The following SLC4A1AP variants were observed in gnomAD, a reference collection of about 807,000 sequenced individuals.
SLC4A1AP encodes the protein kanadaptin.
Under a neutral mutation model 89.7 loss-of-function variants are expected in SLC4A1AP, and 64 were observed. That is an observed-to-expected ratio of 0.71 (90% CI 0.58 to 0.88). SLC4A1AP has a LOEUF of 0.88. Ranked by LOEUF, SLC4A1AP falls within the 40% of genes least tolerant of loss-of-function variation. SLC4A1AP has a pLI of 0.00. For synonymous variants in SLC4A1AP, 366 were observed against 353.3 expected, an observed-to-expected ratio of 1.04 and a Z score of -0.40; for missense variants, 931 against 965.0, an observed-to-expected ratio of 0.96 and a Z score of 0.47.
chr2:27,688,587 T>G, intron 11 of SLC4A1AP, 113 bp from the exon 12 acceptor site: 1 of 706,052 alleles, frequency 1.4e-6, no homozygotes, highest in South Asian at 1.8e-5. Context: ...GAGAATTGCA[T>G]TGTCATGAGC....
At chr2:27,686,336 A>G (rs987828368) in intron 10 of SLC4A1AP, among the ~76,000 whole-genome samples, 1 of 152,212 alleles carries the variant, frequency 6.6e-6, no homozygotes, top group African/African-American at 2.4e-5. Flanking sequence ...TGGGCCATAT[A>G]TTGTGAAGGT....
At chr2:27,679,527 G>A (rs1303509696) in intron 8 of SLC4A1AP, among the ~76,000 whole-genome samples, 1 of 152,176 alleles carries the variant, frequency 6.6e-6, no homozygotes, top group East Asian at 1.9e-4. Context: ...GCGTGAACCA[G>A]GAAGGTGGAG....
At chr2:27,666,442 A>G (rs1410947169) in intron 2 of SLC4A1AP, among the ~76,000 whole-genome samples, 1 of 147,690 alleles carries the variant, frequency 6.8e-6, no homozygotes, top group East Asian at 2.1e-4. Context: ...GGGAAGCTTT[A>G]TGAGCATAAG....
chr2:27,694,610 T>C (rs764918794), intron 13 of SLC4A1AP, 24 bp from the exon 14 acceptor site: 46 of 1,528,174 alleles, frequency 3.0e-5, no homozygotes, highest in Non-Finnish European at 4.0e-5. Context: ...AATAATGTAT[T>C]TCTTTTTTTA....
exon 7 of SLC4A1AP, chr2:27,677,314 C>G (rs148575666): frequency 6.2e-7 from 1 of 1,613,264 alleles, no homozygotes; most frequent in African/African-American, 1.3e-5. Context: ...TTAAATGATG[C>G]TGAAAGGGAA....
exon 8 of SLC4A1AP, chr2:27,677,873 T>G: frequency 6.2e-7 from 1 of 1,610,434 alleles, no homozygotes; most frequent in South Asian, 1.1e-5. Flanking sequence ...CAACAGAGAC[T>G]TAAAGGGTTA....
intron 8 of SLC4A1AP, among the ~76,000 whole-genome samples, chr2:27,680,027 CA>C (rs1007806975): frequency 8.5e-5 from 13 of 152,232 alleles, no homozygotes; most frequent in Admixed American, 6.5e-4. Context: ...CCTGTCCCCC[CA>C]ACCCTTCATT....
At chr2:27,669,708 T>G (rs1470167495) in intron 5 of SLC4A1AP, among the ~76,000 whole-genome samples, 1 of 152,148 alleles carries the variant, frequency 6.6e-6, no homozygotes, top group Non-Finnish European at 1.5e-5. Flanking sequence ...TTATTATTTT[T>G]GAGATGGAGT....
At chr2:27,677,665 A>T in intron 7 of SLC4A1AP, 73 bp from the exon 8 acceptor site, 1 of 1,278,804 alleles carries the variant, frequency 7.8e-7, no homozygotes. Context: ...TGACTTTTAT[A>T]TGGAAACTTT....
intron 6 of SLC4A1AP, among the ~76,000 whole-genome samples, chr2:27,676,245 G>A (rs372112645): frequency 6.6e-6 from 1 of 152,202 alleles, no homozygotes; most frequent in East Asian, 1.9e-4. Context: ...TCAATTGGTG[G>A]GAATGTACAA....
chr2:27,678,681 C>T lies in SLC4A1AP; in HGVS notation c.1763+757C>T, dbSNP rs1296293247. On this transcript the variant is annotated intron_variant, in intron 8 of 13. Transcript: ENST00000613058. ...TCTTTTATACAAAGATGCTCAACTT[C>T]ATGATCATAAGAGAAATACAAATAC... 2.0e-5 allele frequency among the ~76,000 whole-genome samples: 3 copies of T among 151,722 alleles called. No homozygotes were observed. In the East Asian group the frequency reaches 5.8e-4, roughly 29 times the overall value.
chr2:27,667,858 C>T (rs1423620024), intron 3 of SLC4A1AP, among the ~76,000 whole-genome samples: 3 of 151,092 alleles, frequency 2.0e-5, no homozygotes, highest in African/African-American at 7.3e-5. Flanking sequence ...GTATGTATAT[C>T]TGTATATATT....
intron 8 of SLC4A1AP, among the ~76,000 whole-genome samples, chr2:27,678,207 C>A (rs1396115188): frequency 6.6e-6 from 1 of 152,068 alleles, no homozygotes; most frequent in African/African-American, 2.4e-5. Flanking sequence ...GAATAAACTC[C>A]TTTAAAAAGC....
chr2:27,684,069 T>TA (rs1439187826), intron 9 of SLC4A1AP, among the ~76,000 whole-genome samples: 2 of 152,172 alleles, frequency 1.3e-5, no homozygotes, highest in African/African-American at 4.8e-5. Flanking sequence ...ACTTAGGTTT[T>TA]AAATAGAAAA....
intron 10 of SLC4A1AP, among the ~76,000 whole-genome samples, chr2:27,686,949 C>G (rs1247431563): frequency 6.6e-6 from 1 of 152,080 alleles, no homozygotes; most frequent in African/African-American, 2.4e-5. Context: ...CTCTCTGAAG[C>G]CTTGACCTCC....
intron 12 of SLC4A1AP, chr2:27,691,574 C>T (rs1675788252): frequency 6.8e-6 from 1 of 146,100 alleles, no homozygotes; most frequent in South Asian, 2.2e-4. Context: ...TTTATGCTAG[C>T]TTTGGGTTTA....
chr2:27,682,195 TA>T, intron 8 of SLC4A1AP, 52 bp from the exon 9 acceptor site: 2 of 1,209,546 alleles, frequency 1.7e-6, no homozygotes, highest in South Asian at 1.4e-5. Context: ...TATTTTTAGA[TA>T]AAACCTTGGG....
intron 12 of SLC4A1AP, 40 bp from the exon 13 acceptor site, chr2:27,693,645 G>T: frequency 6.6e-7 from 1 of 1,525,184 alleles, no homozygotes; most frequent in Non-Finnish European, 8.9e-7. Flanking sequence ...TTTCTGGAGA[G>T]AAATTCTTGT....
At chr2:27,678,624 C>T (rs1043750675) in intron 8 of SLC4A1AP, among the ~76,000 whole-genome samples, 2 of 152,048 alleles carry the variant, frequency 1.3e-5, no homozygotes, top group Non-Finnish European at 2.9e-5. Context: ...GATGTCTACT[C>T]ACAGGCCACA....
Sources: gnomAD v4.1 joint callset for allele counts (sites outside exome capture counted in the v4.1 genomes callset) on GRCh38, gnomAD v4.1.1 for gene constraint, MANE v1.5 for transcripts, NCBI Gene and HGNC (gene_info 2026-07-23, HGNC 2026-07-21) for gene names.